Variants in KBTBD12 observed in about 807,000 individuals in gnomAD.
KBTBD12 encodes the protein kelch repeat and BTB domain-containing protein 12.
KBTBD12 carries 53 observed loss-of-function variants against 58.7 expected under a neutral mutation model. The observed-to-expected ratio is 0.90, with a 90% CI of 0.72 to 1.14. The LOEUF is 1.14. Ranked by LOEUF, KBTBD12 falls within the 50% of genes most tolerant of loss-of-function variation. The probability of loss-of-function intolerance (pLI) is 0.00; values close to 1 mark genes in which losing one functional copy is unlikely to be tolerated. For missense variants in KBTBD12, 704 were observed against 751.3 expected, an observed-to-expected ratio of 0.94 and a Z score of 0.74; for synonymous variants, 236 against 259.8, an observed-to-expected ratio of 0.91 and a Z score of 0.88.
chr3:127,920,172 G>A (rs1286969955), intron 1 of KBTBD12, among the ~76,000 whole-genome samples: 1 of 152,014 alleles, frequency 6.6e-6, no homozygotes, highest in Non-Finnish European at 1.5e-5. Context: ...TTCCAAGAAT[G>A]GTACAAAAAA....
At chr3:127,970,943 A>T (rs1940672019) in intron 5 of KBTBD12, among the ~76,000 whole-genome samples, 2 of 152,204 alleles carry the variant, frequency 1.3e-5, no homozygotes, top group Admixed American at 1.3e-4. Flanking sequence ...ATGATATATG[A>T]ACTATACCTC....
At chr3:127,916,948 G>A (rs1449759224) in intron 1 of KBTBD12, among the ~76,000 whole-genome samples, 5 of 152,200 alleles carry the variant, frequency 3.3e-5, no homozygotes, top group African/African-American at 7.2e-5. Context: ...AGCATTAAGC[G>A]TTGGCGAGTG....
intron 4 of KBTBD12, among the ~76,000 whole-genome samples, chr3:127,962,517 T>A (rs1940463811): frequency 6.6e-6 from 1 of 152,228 alleles, no homozygotes; most frequent in Admixed American, 6.5e-5. Flanking sequence ...TCCATCCTAT[T>A]AATTTCTTAA....
At chr3:127,964,758 T>C (rs2107611174) in intron 5 of KBTBD12, among the ~76,000 whole-genome samples, 1 of 152,310 alleles carries the variant, frequency 6.6e-6, no homozygotes, top group African/African-American at 2.4e-5. Context: ...GTGGCAAGAA[T>C]ACATTGAAAG....
intron 4 of KBTBD12, among the ~76,000 whole-genome samples, chr3:127,939,409 A>T (rs58025263): frequency 0.15 from 22,276 of 150,888 alleles, 1,829 homozygotes; most frequent in South Asian, 0.32. Context: ...TGAAAATACC[A>T]GGGAGATCTC....
intron 5 of KBTBD12, among the ~76,000 whole-genome samples, chr3:127,978,373 A>G (rs1940819785): frequency 6.6e-6 from 1 of 152,182 alleles, no homozygotes; most frequent in South Asian, 2.1e-4. Context: ...GCAATCTGAG[A>G]ACTCTGAAAA....
chr3:127,955,983 T>C (rs1940312189), intron 4 of KBTBD12, among the ~76,000 whole-genome samples: 1 of 152,212 alleles, frequency 6.6e-6, no homozygotes, highest in South Asian at 2.1e-4. Flanking sequence ...GGCTTAGATA[T>C]ACATTTCATA....
rs904562470 is a variant in KBTBD12, at chr3:127,915,518, A to G, written c.-181A>G. ...AGTCAGGCCCGCTGGCCGCCCTGCC[A>G]CACGGTAGCGTCCAAGCCAGGTCGT... On this transcript the variant is annotated 5_prime_UTR_variant, in exon 1 of 6. Coordinates refer to ENST00000405109, the MANE Select transcript of KBTBD12 (RefSeq NM_207335.4). 2 of 152,496 alleles carry G rather than the reference A, an allele frequency of 1.3e-5. No individual in the cohort carries two copies. Among genetic ancestry groups the G allele is most frequent in the Admixed American group, 6.5e-5 (1 of 15,290 alleles). 9.4% of individuals were successfully genotyped at this position (152,496 alleles called of 1,614,324 possible).
Position 127,959,301 on chromosome 3 carries a change from G to T in KBTBD12, c.1493-3888G>T, listed in dbSNP as rs546952085. On this transcript the variant is annotated intron_variant, in intron 4 of 5. Coordinates refer to ENST00000405109, the MANE Select transcript of KBTBD12 (RefSeq NM_207335.4). ...TTTTCTATTGTTAGGTCCACCAACAGCTCCTACCTCTCTCAAACATTTATG... is the reference window on the plus strand; with the variant it reads ...TTTTCTATTGTTAGGTCCACCAACATCTCCTACCTCTCTCAAACATTTATG... 2.1e-4 allele frequency among the ~76,000 whole-genome samples: 32 copies of T among 152,304 alleles called. 1 individual carries two copies. Among genetic ancestry groups the T allele is most frequent in the African/African-American group, 6.3e-4 (26 of 41,552 alleles).
intron 5 of KBTBD12, among the ~76,000 whole-genome samples, chr3:127,974,891 T>A (rs1005404975): frequency 5.3e-5 from 8 of 152,080 alleles, no homozygotes; most frequent in Non-Finnish European, 8.8e-5. Flanking sequence ...GAGAATGGCA[T>A]GAACCTGGGA....
At chr3:127,930,762 C>T (rs1008396725) in intron 4 of KBTBD12, among the ~76,000 whole-genome samples, 2 of 152,112 alleles carry the variant, frequency 1.3e-5, no homozygotes, top group African/African-American at 4.8e-5. Context: ...TTTGAATGCA[C>T]TTTTTTCTTA....
chr3:127,930,404 C>T (rs1939676035), intron 4 of KBTBD12, 121 bp downstream of exon 4: 3 of 818,622 alleles, frequency 3.7e-6, no homozygotes, highest in African/African-American at 3.5e-5. Context: ...ATACAACTAG[C>T]TGAACTTTGT....
chr3:127,946,716 C>T (rs1182302345), intron 4 of KBTBD12, among the ~76,000 whole-genome samples: 1 of 152,118 alleles, frequency 6.6e-6, no homozygotes, highest in African/African-American at 2.4e-5. Context: ...AATATTGCTT[C>T]TATTTTGTTC....
At chr3:127,969,707 A>C (rs1330327641) in intron 5 of KBTBD12, among the ~76,000 whole-genome samples, 3 of 152,250 alleles carry the variant, frequency 2.0e-5, no homozygotes, top group Admixed American at 6.5e-5. Context: ...TGCCAAGACA[A>C]GTCAGTGAGG....
chr3:127,963,189 G>A lies in KBTBD12; in HGVS notation c.1493G>A (p.Gly498Asp), dbSNP rs1279110121. Residue 498 changes from glycine to aspartate, a missense_variant and splice_region_variant, in exon 5 of 6, where the codon GGT (glycine) becomes GAT (aspartate). Transcript: ENST00000405109. ...CATTTCTCCACATAATTCTCTGCAG[G>A]TGGCATTGGCTGTGTAGGTCAAGAC... ...AVVNSEIYVL[G>D]GIGCVGQDKG... The A allele has an allele frequency of 6.3e-7, 1 of 1,596,444 alleles. No homozygotes were observed. The highest frequency in any genetic ancestry group is 8.5e-7 in the Non-Finnish European group (1 of 1,170,446).
chr3:127,916,219 G>C (rs1001328181), intron 1 of KBTBD12, among the ~76,000 whole-genome samples: 3 of 152,208 alleles, frequency 2.0e-5, no homozygotes, highest in Non-Finnish European at 4.4e-5. Flanking sequence ...GTGCCTGGCT[G>C]TTACTGGATG....
chr3:127,920,761 G>A (rs957775209), intron 1 of KBTBD12, among the ~76,000 whole-genome samples: 1 of 151,866 alleles, frequency 6.6e-6, no homozygotes, highest in African/African-American at 2.4e-5. Flanking sequence ...GAGTATAACT[G>A]CTTTTTGGAC....
rs1940962203 is a variant in KBTBD12, at chr3:127,986,202, TAACCATGTGA to T, written c.*1926_*1935del. On this transcript the variant is annotated 3_prime_UTR_variant, in exon 6 of 6. Coordinates refer to ENST00000405109, the MANE Select transcript of KBTBD12 (RefSeq NM_207335.4). ...TCCAGCCCCCGCTCTGCTACTTAGC[TAACCATGTGA>T]ACTTGGGCAAGATGACCTTTCTAAA... 1 of 152,662 alleles carries T rather than the reference TAACCATGTGA, an allele frequency of 6.6e-6. No homozygotes were observed. Among genetic ancestry groups the T allele is most frequent in the Non-Finnish European group, 1.5e-5 (1 of 68,068 alleles). The allele number at this position is 152,662 out of a possible 1,614,324, so 9.5% of individuals were successfully genotyped here.
In KBTBD12 at chr3:127,950,504, T is replaced by C. The variant is rs147463478; in HGVS notation, c.1493-12685T>C. Among the ~76,000 whole-genome samples, 161 of 152,294 alleles carry C rather than the reference T, an allele frequency of 1.1e-3. 1 individual carries two copies. The highest frequency in any genetic ancestry group is 3.9e-4 in the East Asian group (2 of 5,190). On this transcript the variant is annotated intron_variant, in intron 4 of 5. Coordinates refer to ENST00000405109, the MANE Select transcript of KBTBD12 (RefSeq NM_207335.4). ...ATGTCAAATAGACTAATAATGTCCA[T>C]TGAAGAGATACTGAATTTTTTTTAT... is the stretch of plus-strand genomic sequence containing the variant.
Sources: gnomAD v4.1 joint callset for allele counts (sites outside exome capture counted in the v4.1 genomes callset) on GRCh38, gnomAD v4.1.1 for gene constraint, MANE v1.5 for transcripts, NCBI Gene and HGNC (gene_info 2026-07-23, HGNC 2026-07-21) for gene names.